The following CLVS1 variants were observed in gnomAD, a reference collection of about 807,000 sequenced individuals.
CLVS1 encodes the protein clavesin-1.
In CLVS1, 10 loss-of-function variants were observed where a neutral mutation model predicts 33.1. That is an observed-to-expected ratio of 0.30 (90% confidence interval 0.19 to 0.51). The LOEUF (loss-of-function observed/expected upper bound fraction) is 0.51, where lower values mean the gene tolerates loss of function less well. Among genes scored for constraint, CLVS1 ranks in the 20% least tolerant of loss-of-function variants. The pLI is 0.97. For synonymous variants in CLVS1, 163 were observed against 166.1 expected (o/e 0.98, Z 0.14); for missense variants, 343 against 433.4 (o/e 0.79, Z 1.85).
chr8:61,248,017 C>A (rs935827922), intron 2 of CLVS1, among the ~76,000 whole-genome samples: 1 of 152,142 alleles, frequency 6.6e-6, no homozygotes, highest in Admixed American at 6.6e-5. Flanking sequence ...AGCCAGTTAT[C>A]CCAGTCCCAT....
chr8:61,049,972 G>A, the CLVS1 span, among the ~76,000 whole-genome samples: 1 of 152,230 alleles, frequency 6.6e-6, no homozygotes, highest in African/African-American at 2.4e-5. Flanking sequence ...CATTGTGTGG[G>A]CACTAATGTA....
chr8:61,497,646 A>T (rs1320908000), intron 5 of CLVS1, among the ~76,000 whole-genome samples: 1 of 152,114 alleles, frequency 6.6e-6, no homozygotes, highest in East Asian at 1.9e-4. Flanking sequence ...CCCAATTCAG[A>T]CCCCAAGAGA....
At chr8:61,475,853 A>G (rs1817906555) in intron 5 of CLVS1, among the ~76,000 whole-genome samples, 1 of 152,160 alleles carries the variant, frequency 6.6e-6, no homozygotes, top group African/African-American at 2.4e-5. Context: ...TTGGTGTTTT[A>G]GTCAAGAAGT....
the CLVS1 span, among the ~76,000 whole-genome samples, chr8:61,037,355 G>T: frequency 1.3e-5 from 2 of 152,098 alleles, no homozygotes; most frequent in Admixed American, 6.5e-5. Context: ...GACCGCTCCA[G>T]GTACCTGGAA....
chr8:61,253,745 T>A (rs971269302), intron 2 of CLVS1, among the ~76,000 whole-genome samples: 61 of 152,264 alleles, frequency 4.0e-4, no homozygotes, highest in African/African-American at 1.4e-3. Flanking sequence ...CGTCACGTAG[T>A]TCTTGTGCCA....
chr8:61,359,957 C>G (rs1812904015), intron 2 of CLVS1, among the ~76,000 whole-genome samples: 1 of 152,110 alleles, frequency 6.6e-6, no homozygotes, highest in African/African-American at 2.4e-5. Flanking sequence ...TTTGGGATTA[C>G]CTAGCACCTG....
At chr8:61,165,452 T>C (rs1806843665) in intron 2 of CLVS1, among the ~76,000 whole-genome samples, 1 of 152,248 alleles carries the variant, frequency 6.6e-6, no homozygotes, top group Non-Finnish European at 1.5e-5. Context: ...TGCTGTGCTC[T>C]CAGGCAATAG....
chr8:61,332,624 G>T (rs77707488), intron 2 of CLVS1, among the ~76,000 whole-genome samples: 2 of 152,028 alleles, frequency 1.3e-5, no homozygotes, highest in African/African-American at 4.8e-5. Context: ...TAAATGAAGA[G>T]GAGATAAACT....
At chr8:61,497,762 A>G (rs34026124) in intron 5 of CLVS1, among the ~76,000 whole-genome samples, 81,501 of 152,106 alleles carry the variant, frequency 0.54, 26,078 homozygotes, top group Non-Finnish European at 0.71. Context: ...TCTACACCAT[A>G]GAAAGAGCAG....
chr8:61,270,800 G>A lies in CLVS1; in HGVS notation c.-151-28877G>A, dbSNP rs1262586596. On this transcript the variant is annotated intron_variant, in intron 2 of 2. Transcript: ENST00000522621. ...CTTCTAGATTTTCTAGTTTATTTGC[G>A]TAGAGATGTTTGTAGTATTCTCTGA... 9.2e-5 allele frequency among the ~76,000 whole-genome samples: 14 copies of A among 152,234 alleles called. No homozygotes were observed. In the East Asian group the frequency reaches 9.6e-4, roughly 10 times the overall value.
chr8:61,216,044 G>A (rs1808078460), intron 2 of CLVS1, among the ~76,000 whole-genome samples: 1 of 152,118 alleles, frequency 6.6e-6, no homozygotes, highest in Admixed American at 6.6e-5. Context: ...GAGGAGAAAG[G>A]GGAGAAAATA....
intron 2 of CLVS1, among the ~76,000 whole-genome samples, chr8:61,330,488 C>T (rs999585317): frequency 3.9e-5 from 6 of 152,170 alleles, no homozygotes; most frequent in Non-Finnish European, 7.3e-5. Flanking sequence ...ACTCCTTACC[C>T]GGCCTTCCAA....
At chr8:60,985,544 C>T in the CLVS1 span, among the ~76,000 whole-genome samples, 3 of 152,176 alleles carry the variant, frequency 2.0e-5, no homozygotes, top group Admixed American at 1.3e-4. Flanking sequence ...CCACACTACG[C>T]TCGTTCAGGT....
intron 2 of CLVS1, among the ~76,000 whole-genome samples, chr8:61,193,628 G>A (rs1470962416): frequency 2.0e-5 from 3 of 151,940 alleles, no homozygotes; most frequent in African/African-American, 2.4e-5. Flanking sequence ...GAAAACAACC[G>A]CCAACTAAAA....
chr8:61,270,327 C>G (rs527656169), intron 2 of CLVS1, among the ~76,000 whole-genome samples: 1 of 152,094 alleles, frequency 6.6e-6, no homozygotes, highest in African/African-American at 2.4e-5. Flanking sequence ...TATTGATTTG[C>G]GTATATTGAA....
At chr8:61,066,898 G>T (rs1246048135) in intron 1 of CLVS1, among the ~76,000 whole-genome samples, 4 of 152,172 alleles carry the variant, frequency 2.6e-5, no homozygotes, top group Non-Finnish European at 5.9e-5. Flanking sequence ...TTCTGCAAAA[G>T]CCAGGCTGGT....
At chr8:61,447,584 T>C (rs1816801197) in intron 3 of CLVS1, among the ~76,000 whole-genome samples, 2 of 152,156 alleles carry the variant, frequency 1.3e-5, no homozygotes, top group Non-Finnish European at 2.9e-5. Flanking sequence ...TATTATGTCA[T>C]GCATTCATAA....
At chr8:61,255,106 G>T (rs906555269) in intron 2 of CLVS1, among the ~76,000 whole-genome samples, 5 of 152,150 alleles carry the variant, frequency 3.3e-5, no homozygotes, top group Non-Finnish European at 7.3e-5. Flanking sequence ...ACATTCTGGG[G>T]ATTCAATGAG....
At chr8:60,989,787 T>G in the CLVS1 span, among the ~76,000 whole-genome samples, 2 of 152,018 alleles carry the variant, frequency 1.3e-5, no homozygotes, top group Non-Finnish European at 2.9e-5. Flanking sequence ...GTGGACAGTG[T>G]TCAGGACAGA....
Sources: allele counts gnomAD v4.1 joint callset (sites outside exome capture counted in the v4.1 genomes callset), GRCh38; gene constraint gnomAD v4.1.1; transcripts MANE v1.5; gene names NCBI Gene and HGNC (gene_info 2026-07-23, HGNC 2026-07-21).